The following PCNX1 variants were observed in gnomAD, a reference collection of about 807,000 sequenced individuals.
PCNX1 encodes pecanex-like protein 1.
Under a neutral mutation model 242.2 loss-of-function variants are expected in PCNX1, and 78 were observed. The observed-to-expected ratio is 0.32, with a 90% CI of 0.27 to 0.39. PCNX1 has a LOEUF of 0.39. Among genes scored for constraint, PCNX1 ranks in the 10% least tolerant of loss-of-function variants. PCNX1 has a pLI of 1.00. For synonymous variants in PCNX1, 1,024 were observed against 1,032.9 expected, an observed-to-expected ratio of 0.99 and a Z score of 0.17; for missense variants, 2,581 against 2,856.5, an observed-to-expected ratio of 0.90 and a Z score of 2.20.
intron 24 of PCNX1, 50 bp downstream of exon 24, chr14:71,052,062 A>C (rs1189803770): frequency 7.3e-7 from 1 of 1,365,510 alleles, no homozygotes; most frequent in South Asian, 1.3e-5. Flanking sequence ...TCCTACTGGG[A>C]AAAACTATTG....
intron 6 of PCNX1, among the ~76,000 whole-genome samples, chr14:70,983,648 CA>C (rs1420271541): frequency 2.0e-5 from 3 of 151,012 alleles, no homozygotes; most frequent in Admixed American, 6.6e-5. Flanking sequence ...CTTGGCTTGT[CA>C]AAAAGTAGGC....
At chr14:71,086,840 G>T (rs888581921) in intron 28 of PCNX1, among the ~76,000 whole-genome samples, 1 of 152,166 alleles carries the variant, frequency 6.6e-6, no homozygotes, top group East Asian at 1.9e-4. Flanking sequence ...GTCAGTTGTA[G>T]GGCTACCTCA....
At chr14:70,925,589 T>TC (rs398039245) in intron 1 of PCNX1, among the ~76,000 whole-genome samples, 2 of 150,140 alleles carry the variant, frequency 1.3e-5, no homozygotes, top group East Asian at 1.9e-4. Flanking sequence ...TTTTTTTTTT[T>TC]CATGTAGCTC....
chr14:71,039,349 A>T (rs1282305398), intron 19 of PCNX1, among the ~76,000 whole-genome samples: 2 of 152,198 alleles, frequency 1.3e-5, no homozygotes, highest in African/African-American at 2.4e-5. Context: ...TGCTAAAATC[A>T]TCTGAGGTTC....
chr14:71,012,678 A>T, intron 10 of PCNX1: 1 of 322,130 alleles, frequency 3.1e-6, no homozygotes, highest in South Asian at 2.7e-5. Flanking sequence ...AAAAATAGAA[A>T]AAGAATTAGC....
chr14:70,933,253 C>T (rs763465778), intron 1 of PCNX1, among the ~76,000 whole-genome samples: 2 of 152,004 alleles, frequency 1.3e-5, no homozygotes, highest in Non-Finnish European at 2.9e-5. Context: ...GTGGTGTTGG[C>T]GGTGATAGAT....
intron 12 of PCNX1, among the ~76,000 whole-genome samples, chr14:71,021,632 A>T (rs555317284): frequency 4.1e-4 from 63 of 152,144 alleles, no homozygotes; most frequent in Non-Finnish European, 2.9e-4. Flanking sequence ...TGCAGTACTG[A>T]AATTATAGTC....
In PCNX1 at chr14:70,907,846, TG is replaced by T; in HGVS notation, c.-1del. The T allele has an allele frequency of 7.7e-7, 1 of 1,295,038 alleles. No individual in the cohort carries two copies. Among genetic ancestry groups the T allele is most frequent in the Non-Finnish European group, 9.8e-7 (1 of 1,020,200 alleles). 80.2% of individuals were successfully genotyped at this position (1,295,038 alleles called of 1,614,324 possible). ...CGGCGGCGACGGCGGCGGCGCCGGGTGGGGATGGGGTCGCAGACGCTGCAGA... is the reference window on the plus strand; with the variant it reads ...CGGCGGCGACGGCGGCGGCGCCGGGTGGGATGGGGTCGCAGACGCTGCAGA... On this transcript the variant is annotated 5_prime_UTR_variant, in exon 1 of 36. Transcript: ENST00000304743.
intron 13 of PCNX1, among the ~76,000 whole-genome samples, chr14:71,023,996 T>C (rs2060173088): frequency 6.6e-6 from 1 of 152,166 alleles, no homozygotes; most frequent in Admixed American, 6.5e-5. Flanking sequence ...TAATGATATA[T>C]GGAAACATTG....
rs184924877 is a variant in PCNX1, at chr14:71,067,313, G to T, written c.4853-6232G>T. 3.8e-3 allele frequency among the ~76,000 whole-genome samples: 576 copies of T among 152,084 alleles called. 3 individuals are homozygous for T. Among genetic ancestry groups the T allele is most frequent in the Non-Finnish European group, 5.2e-3 (351 of 67,966 alleles). ...GAACTTGTTATTGGTCTATTCAGGG[G>T]TTCAACTTCTTCCTGGTTTATATGT... On this transcript the variant is annotated intron_variant, in intron 26 of 35. Coordinates refer to ENST00000304743, the MANE Select transcript of PCNX1 (RefSeq NM_014982.3).
intron 9 of PCNX1, among the ~76,000 whole-genome samples, chr14:71,010,978 T>C (rs917947790): frequency 6.6e-6 from 1 of 151,982 alleles, no homozygotes; most frequent in African/African-American, 2.4e-5. Context: ...ATGGAAACAG[T>C]AGGAGGAGGG....
intron 7 of PCNX1, among the ~76,000 whole-genome samples, chr14:70,992,425 C>A (rs1244621393): frequency 6.6e-6 from 1 of 152,106 alleles, no homozygotes; most frequent in Non-Finnish European, 1.5e-5. Flanking sequence ...AATCCACCAA[C>A]TATTTTTTTT....
intron 26 of PCNX1, among the ~76,000 whole-genome samples, chr14:71,067,473 T>C (rs548164734): frequency 6.6e-6 from 1 of 152,188 alleles, no homozygotes; most frequent in African/African-American, 2.4e-5. Flanking sequence ...TCCTTTATCA[T>C]TTTTTGTGTC....
intron 8 of PCNX1, among the ~76,000 whole-genome samples, chr14:71,005,847 T>C (rs1428274572): frequency 6.6e-6 from 1 of 152,006 alleles, no homozygotes; most frequent in Non-Finnish European, 1.5e-5. Flanking sequence ...TGTGTGTAAT[T>C]AACAAATTTT....
intron 12 of PCNX1, among the ~76,000 whole-genome samples, chr14:71,022,324 T>C (rs1417121617): frequency 6.6e-6 from 1 of 152,188 alleles, no homozygotes; most frequent in Non-Finnish European, 1.5e-5. Context: ...TTAATGTGGT[T>C]AAATATGGAA....
intron 2 of PCNX1, among the ~76,000 whole-genome samples, chr14:70,955,524 G>T (rs922876719): frequency 1.3e-5 from 2 of 152,198 alleles, no homozygotes; most frequent in Admixed American, 6.5e-5. Flanking sequence ...CTGTAATTCA[G>T]ATTAGATCCC....
intron 26 of PCNX1, among the ~76,000 whole-genome samples, chr14:71,063,906 G>A (rs915539123): frequency 2.6e-5 from 4 of 151,992 alleles, no homozygotes; most frequent in Non-Finnish European, 5.9e-5. Context: ...TGGGTTATCA[G>A]TCATTTTTTG....
chr14:70,927,626 C>G (rs893978224), intron 1 of PCNX1, among the ~76,000 whole-genome samples: 4 of 151,762 alleles, frequency 2.6e-5, no homozygotes, highest in Admixed American at 1.3e-4. Context: ...GTCTCACTCT[C>G]TTGCCCAGGC....
At chr14:71,033,869 C>T (rs552894401) in intron 17 of PCNX1, 62 bp from the exon 18 acceptor site, 14 of 851,854 alleles carry the variant, frequency 1.6e-5, no homozygotes, top group Middle Eastern at 2.7e-4. Context: ...CTTCATTGCC[C>T]GTTTGAATTA....
Sources: gnomAD v4.1 joint callset for allele counts (sites outside exome capture counted in the v4.1 genomes callset) on GRCh38, gnomAD v4.1.1 for gene constraint, MANE v1.5 for transcripts, NCBI Gene and HGNC (gene_info 2026-07-23, HGNC 2026-07-21) for gene names.